The following KYNU variants were observed in gnomAD, a reference collection of about 807,000 sequenced individuals.
KYNU encodes the protein L-kynurenine hydrolase.
KYNU carries 54 observed loss-of-function variants against 59.2 expected under a neutral mutation model. The ratio of observed to expected loss-of-function variants is 0.91; its 90% CI spans 0.73 to 1.14. KYNU has a LOEUF of 1.14. KYNU is among the 50% of genes most tolerant of loss of function. The pLI is 0.00. For missense variants in KYNU, 567 were observed against 554.4 expected, an observed-to-expected ratio of 1.02 and a Z score of -0.23; for synonymous variants, 177 against 192.0, an observed-to-expected ratio of 0.92 and a Z score of 0.65.
At chr2:142,994,644 GTC>G (rs1352782199) in intron 10 of KYNU, among the ~76,000 whole-genome samples, 1 of 152,016 alleles carries the variant, frequency 6.6e-6, no homozygotes, top group Non-Finnish European at 1.5e-5. Context: ...ATTTTAGCAT[GTC>G]TTATATGGTT....
intron 3 of KYNU, among the ~76,000 whole-genome samples, chr2:142,924,755 C>A (rs950931498): frequency 6.6e-6 from 1 of 152,220 alleles, no homozygotes; most frequent in African/African-American, 2.4e-5. Flanking sequence ...AAGATTACAT[C>A]TATGCTGCGA....
intron 2 of KYNU, among the ~76,000 whole-genome samples, chr2:142,914,622 G>A (rs1300785443): frequency 6.6e-6 from 1 of 152,190 alleles, no homozygotes; most frequent in Non-Finnish European, 1.5e-5. Flanking sequence ...TTGTGTTTCT[G>A]TGGCACATAT....
At chr2:142,990,865 A>T (rs1023523367) in intron 10 of KYNU, among the ~76,000 whole-genome samples, 2 of 151,898 alleles carry the variant, frequency 1.3e-5, no homozygotes, top group Non-Finnish European at 1.5e-5. Context: ...TAAAGGCCTT[A>T]TTAAGGGCTT....
chr2:142,906,738 T>C (rs1682309966), intron 2 of KYNU, among the ~76,000 whole-genome samples: 1 of 152,096 alleles, frequency 6.6e-6, no homozygotes, highest in Admixed American at 6.6e-5. Flanking sequence ...CCAAGAGGTA[T>C]GGGTCAGAAG....
At chr2:143,021,073 CT>C (rs1686394115) in intron 10 of KYNU, among the ~76,000 whole-genome samples, 1 of 152,080 alleles carries the variant, frequency 6.6e-6, no homozygotes, top group Admixed American at 6.5e-5. Context: ...TTAAGAACTA[CT>C]TGTTTTTCTT....
intron 10 of KYNU, among the ~76,000 whole-genome samples, chr2:143,018,906 G>T (rs1686333527): frequency 6.6e-6 from 1 of 151,980 alleles, no homozygotes; most frequent in African/African-American, 2.4e-5. Flanking sequence ...ACTGTAAATG[G>T]GATTGTATTA....
intron 4 of KYNU, among the ~76,000 whole-genome samples, chr2:142,945,079 C>A (rs923459656): frequency 6.6e-6 from 1 of 152,178 alleles, no homozygotes; most frequent in Non-Finnish European, 1.5e-5. Context: ...ATATTAATGG[C>A]TGCTGACCAA....
chr2:142,927,711 A>G lies in KYNU; in HGVS notation c.343A>G (p.Ser115Gly). The G allele has an allele frequency of 1.2e-6, 2 of 1,613,014 alleles. No individual in the cohort carries two copies. ...GCGTCCTTGGATTACAGGAGATGAG[A>G]GTATTGTAGGCCTTATGAAGGACAT... is the stretch of plus-strand genomic sequence containing the variant. ...GKRPWITGDE[S>G]IVGLMKDIVG... Residue 115 changes from serine (S) to glycine (G), a missense_variant, in exon 4 of 14, where the codon AGT (serine) becomes GGT (glycine). By Grantham distance (56) the Ser-to-Gly change is moderately conservative. Coordinates refer to ENST00000264170, the MANE Select transcript of KYNU (RefSeq NM_003937.3).
At chr2:142,972,791 C>CAT (rs72267912) in intron 8 of KYNU, among the ~76,000 whole-genome samples, 3,732 of 135,082 alleles carry the variant, frequency 0.028, 66 homozygotes, top group African/African-American at 0.043. Context: ...AGACAGAGGC[C>CAT]ATATATATAT....
intron 4 of KYNU, among the ~76,000 whole-genome samples, chr2:142,950,913 G>T (rs1683969614): frequency 1.3e-5 from 2 of 152,128 alleles, no homozygotes; most frequent in South Asian, 2.1e-4. Flanking sequence ...CCATTGTAGG[G>T]TTATTGATTG....
rs1233513505 is a variant in KYNU, at chr2:143,048,606, A to C, written c.*6434A>C. 3 of 152,208 alleles carry C rather than the reference A, an allele frequency of 2.0e-5. No homozygotes were observed. Among genetic ancestry groups the C allele is most frequent in the Non-Finnish European group, 4.4e-5 (3 of 68,036 alleles). The allele number at this position is 152,208 out of a possible 1,614,324, so 9.4% of individuals were successfully genotyped here. ...AAAACTTTTAGTGGTAAATTGTATT[A>C]GTCTTTGGGAAAAAACATTTATTGA... On this transcript the variant is annotated 3_prime_UTR_variant, in exon 14 of 14. Coordinates refer to ENST00000264170, the MANE Select transcript of KYNU (RefSeq NM_003937.3).
intron 10 of KYNU, among the ~76,000 whole-genome samples, chr2:143,019,156 G>A (rs888971801): frequency 6.6e-6 from 1 of 151,988 alleles, no homozygotes; most frequent in Admixed American, 6.6e-5. Flanking sequence ...CTCTGTCTAG[G>A]ACTTTCAGTA....
intron 8 of KYNU, among the ~76,000 whole-genome samples, chr2:142,970,016 C>T (rs1160468683): frequency 3.3e-5 from 5 of 152,068 alleles, no homozygotes; most frequent in Non-Finnish European, 7.4e-5. Context: ...TTATTCTACC[C>T]TCCATAAAAG....
intron 4 of KYNU, among the ~76,000 whole-genome samples, chr2:142,943,503 G>A (rs1165355014): frequency 6.6e-6 from 1 of 152,046 alleles, no homozygotes; most frequent in Non-Finnish European, 1.5e-5. Context: ...ATTTTATAGA[G>A]AGCCAATAAT....
chr2:142,901,106 G>A (rs536788456), intron 2 of KYNU, among the ~76,000 whole-genome samples: 22 of 152,158 alleles, frequency 1.4e-4, no homozygotes, highest in Non-Finnish European at 2.9e-4. Context: ...TGCAGTGCAG[G>A]GGGTTATTTT....
rs1052915318 is a variant in KYNU, at chr2:143,047,422, T to C, written c.*5250T>C. On this transcript the variant is annotated 3_prime_UTR_variant, in exon 14 of 14. Transcript: ENST00000264170. ...TTAACATTTAACTGATAATTGATAC[T>C]GTATATACATGAATTCAATTGGTAT... 6.6e-6 allele frequency: 1 copy of C among 152,218 alleles called. No homozygotes were observed. The highest frequency in any genetic ancestry group is 1.5e-5 in the Non-Finnish European group (1 of 68,040). The allele number at this position is 152,218 out of a possible 1,614,324, so 9.4% of individuals were successfully genotyped here. A position where few individuals can be genotyped will look rare whatever the true frequency, so the allele number is the denominator to read the frequency against.
chr2:142,969,074 A>T (rs1357333941), intron 8 of KYNU, among the ~76,000 whole-genome samples: 3 of 152,188 alleles, frequency 2.0e-5, no homozygotes, highest in African/African-American at 7.2e-5. Context: ...AAAACAGGTT[A>T]CGTATAAGCA....
At position 142,985,211 on chromosome 2, in the gene KYNU, C is replaced by T. The variant is rs142931840; in HGVS notation, c.828+29C>T. On this transcript the variant is annotated intron_variant, in intron 9 of 13. Transcript: ENST00000264170. ...CAAACGAGTTAATACATTTACATCC[C>T]TTTATTTCACATTGACTTTAATCTG... The T allele has an allele frequency of 1.4e-4, 180 of 1,306,098 alleles. 2 individuals carry two copies. The African/African-American group carries it at 2.5e-3, about 18-fold the overall frequency. 80.9% of individuals were successfully genotyped at this position (1,306,098 alleles called of 1,614,324 possible). A position where few individuals can be genotyped will look rare whatever the true frequency, so the allele number is the denominator to read the frequency against.
chr2:142,890,934 AT>A (rs1032542838), intron 2 of KYNU, among the ~76,000 whole-genome samples: 28 of 152,338 alleles, frequency 1.8e-4, no homozygotes, highest in Admixed American at 1.8e-3. Flanking sequence ...TAATGTATAC[AT>A]TTAATTTTAA....
Sources: gnomAD v4.1 joint callset for allele counts (sites outside exome capture counted in the v4.1 genomes callset) on GRCh38, gnomAD v4.1.1 for gene constraint, MANE v1.5 for transcripts, NCBI Gene and HGNC (gene_info 2026-07-23, HGNC 2026-07-21) for gene names.